Variants in ATP2B2 observed in about 807,000 individuals in gnomAD.
ATP2B2 encodes the protein plasma membrane calcium-transporting ATPase 2.
In ATP2B2, 15 loss-of-function variants were observed where a neutral mutation model predicts 120.0. The observed-to-expected ratio is 0.12, with a 90% CI of 0.08 to 0.19. The LOEUF (loss-of-function observed/expected upper bound fraction) is 0.19. Among genes scored for constraint, ATP2B2 ranks in the 10% least tolerant of loss-of-function variants. The pLI is 1.00. For missense variants in ATP2B2, 1,045 were observed against 1,719.8 expected (o/e 0.61, Z 6.94); for synonymous variants, 694 against 700.3 (o/e 0.99, Z 0.14).
chr3:10,539,178 C>A (rs2067379962), intron 2 of ATP2B2, among the ~76,000 whole-genome samples: 1 of 152,254 alleles, frequency 6.6e-6, no homozygotes, highest in South Asian at 2.1e-4. Flanking sequence ...ATGTGAAGGA[C>A]CTCTTCAAGG....
chr3:10,601,219 C>T (rs150135410), intron 2 of ATP2B2, among the ~76,000 whole-genome samples: 354 of 152,306 alleles, frequency 2.3e-3, no homozygotes, highest in Non-Finnish European at 3.7e-3. Flanking sequence ...TCCCCAGAGG[C>T]CATGATTGGT....
At chr3:10,502,124 G>A (rs1575423910) in intron 1 of ATP2B2, among the ~76,000 whole-genome samples, 2 of 152,326 alleles carry the variant, frequency 1.3e-5, no homozygotes, top group South Asian at 4.1e-4. Flanking sequence ...GCCACAGGCA[G>A]CTTTTCTGAC....
rs41292841 is a variant in ATP2B2, at chr3:10,342,971, G to T, written c.2704-6C>A. On this transcript the variant is annotated splice_polypyrimidine_tract_variant and splice_region_variant and intron_variant, in intron 18 of 22. Transcript: ENST00000360273. The surrounding 1 kb of genome is among the most constrained non-coding windows in gnomAD (Gnocchi z 4.4). The stretch of plus-strand genomic sequence containing the variant: ...ACGGCCTTCAGAGGGGAGTCCTGGG[G>T]ACGGGCAGGAGAGGGCTGTCACCTG... The T allele has an allele frequency of 1.1e-4, 171 of 1,613,512 alleles. No homozygotes were observed. Among genetic ancestry groups the T allele is most frequent in the Non-Finnish European group, 1.4e-4 (161 of 1,179,782 alleles).
At chr3:10,463,636 C>G (rs1264131626) in intron 1 of ATP2B2, among the ~76,000 whole-genome samples, 1 of 152,230 alleles carries the variant, frequency 6.6e-6, no homozygotes, top group Non-Finnish European at 1.5e-5. Context: ...AGCCCCTGCT[C>G]TGGATCACAG....
At chr3:10,676,501 A>G (rs994997487) in intron 1 of ATP2B2, among the ~76,000 whole-genome samples, 3 of 151,602 alleles carry the variant, frequency 2.0e-5, no homozygotes, top group Admixed American at 6.6e-5. Flanking sequence ...AGGGATGGGG[A>G]TGGGGAGGGA....
At position 10,345,399 on chromosome 3, in the gene ATP2B2, G is replaced by T. The variant is rs767707953; in HGVS notation, c.2688C>A (p.Gly896=). 1.9e-6 allele frequency: 3 copies of T among 1,614,192 alleles called. No homozygotes were observed. In the Admixed American group the frequency reaches 5.0e-5, roughly 27 times the overall value. ...NVVAVIVAFT[G]ACITQDSPLK... Reference sequence around the variant, plus strand: ...GCGGACCCACCTGCGTGATGCAGGCGCCTGTGAAGGCCACAATCACGGCCA... The same window carrying T: ...GCGGACCCACCTGCGTGATGCAGGCTCCTGTGAAGGCCACAATCACGGCCA... Residue 896 remains glycine, a synonymous_variant, in exon 18 of 23, where the codon GGC becomes GGA. Transcript: ENST00000360273.
chr3:10,364,726 T>A lies in ATP2B2; in HGVS notation c.1660-4603A>T, dbSNP rs903634229. 6.5e-4 allele frequency among the ~76,000 whole-genome samples: 98 copies of A among 151,644 alleles called. 1 individual carries two copies. Among genetic ancestry groups the A allele is most frequent in the African/African-American group, 2.1e-3 (88 of 41,374 alleles). On this transcript the variant is annotated intron_variant, in intron 12 of 22. Coordinates refer to ENST00000360273, the MANE Select transcript of ATP2B2 (RefSeq NM_001001331.4). The stretch of plus-strand genomic sequence containing the variant: ...ACTCCATCTTGGGGAAAAAAAATAA[T>A]AATAATAAAAATAAAAAAATAAAAA...
rs752236593 is a variant in ATP2B2, at chr3:10,342,708, T to C, written c.2917+44A>G. ...TGAGAGCCATGGTGCACCCAGAAGG[T>C]GATGACCCCGCCTGGGAGAGGCGTG... On this transcript the variant is annotated intron_variant, in intron 19 of 22. Transcript: ENST00000360273. This position sits in a 1 kb window ranked among gnomAD's most constrained non-coding sequence, Gnocchi z 4.4. 6 of 1,601,514 alleles carry C rather than the reference T, an allele frequency of 3.7e-6. No homozygotes were observed. The highest frequency in any genetic ancestry group is 3.3e-5 in the South Asian group (3 of 90,646).
intron 2 of ATP2B2, among the ~76,000 whole-genome samples, chr3:10,598,363 G>A (rs964247012): frequency 4.6e-5 from 7 of 152,188 alleles, no homozygotes; most frequent in African/African-American, 1.7e-4. Flanking sequence ...TTACTCACCT[G>A]TGAAGTGGAG....
At position 10,500,744 on chromosome 3, in the gene ATP2B2, G is replaced by A. The variant is rs148794886; in HGVS notation, c.-320+4721C>T. Among the ~76,000 whole-genome samples, 4 of 152,338 alleles carry A rather than the reference G, an allele frequency of 2.6e-5. No individual in the cohort carries two copies. The East Asian group carries it at 7.7e-4, about 29-fold the overall frequency. ...CTCTAGACTTCTGGCTTCCAGAAGT[G>A]GGAGACAATACACGTCTGTTGTTTG... On this transcript the variant is annotated intron_variant, in intron 1 of 22. Transcript: ENST00000360273.
Position 10,441,564 on chromosome 3 carries a change from C to T in ATP2B2, c.199+7781G>A, listed in dbSNP as rs182869944. On this transcript the variant is annotated intron_variant, in intron 2 of 22. Transcript: ENST00000360273. Reference sequence around the variant, plus strand: ...ATTTCCTGTCTGACATCCTCTGCCCCCTTGAACCAAGAAGGGATATCCTTG... The same window carrying T: ...ATTTCCTGTCTGACATCCTCTGCCCTCTTGAACCAAGAAGGGATATCCTTG... Among the ~76,000 whole-genome samples, 14 of 152,308 alleles carry T rather than the reference C, an allele frequency of 9.2e-5. 1 individual carries two copies. In the East Asian group the frequency reaches 2.7e-3, roughly 29 times the overall value.
At chr3:10,468,346 T>C (rs925291464) in intron 1 of ATP2B2, among the ~76,000 whole-genome samples, 3 of 152,212 alleles carry the variant, frequency 2.0e-5, no homozygotes, top group Admixed American at 2.0e-4. Context: ...GGGAAGCAGA[T>C]GGCAGCCCCT....
chr3:10,533,261 T>C (rs78447192), intron 3 of ATP2B2, among the ~76,000 whole-genome samples: 5 of 152,264 alleles, frequency 3.3e-5, no homozygotes, highest in South Asian at 2.1e-4. Context: ...CTCTGGAAGG[T>C]TGAGTGGTGT....
In ATP2B2 at chr3:10,406,709, A is replaced by G. The variant is rs538337761; in HGVS notation, c.397+3909T>C. 2.6e-5 allele frequency among the ~76,000 whole-genome samples: 4 copies of G among 152,370 alleles called. No individual in the cohort carries two copies. The South Asian group carries it at 8.3e-4, about 32-fold the overall frequency. ...CTGTCGTTAAGCGACACATGACTGT[A>G]TCTACTAACCATCTACAATGGGCCA... On this transcript the variant is annotated intron_variant, in intron 3 of 22. Transcript: ENST00000360273.
rs144353822 is a variant in ATP2B2, at chr3:10,346,750, C to T, written c.2405-613G>A. The stretch of plus-strand genomic sequence containing the variant: ...GAAAAGGGTGGGTGAAGGATGTCAT[C>T]GGTGGGGACCTGTGGAGTTTGTGGG... On this transcript the variant is annotated intron_variant, in intron 16 of 22. Transcript: ENST00000360273. The surrounding 1 kb of genome is among the most constrained non-coding windows in gnomAD (Gnocchi z 4.1). Among the ~76,000 whole-genome samples the T allele has an allele frequency of 5.3e-5, 8 of 152,240 alleles. No individual in the cohort carries two copies. The highest frequency in any genetic ancestry group is 7.4e-5 in the Non-Finnish European group (5 of 67,996).
At chr3:10,350,294 C>T (rs2060542787) in intron 15 of ATP2B2, 95 bp from the exon 16 acceptor site, 6 of 1,586,670 alleles carry the variant, frequency 3.8e-6, no homozygotes, top group South Asian at 3.4e-5. Flanking sequence ...TCACTGGGCT[C>T]TTAGCAGCAC....
chr3:10,589,512 T>A (rs2068592852), intron 2 of ATP2B2, among the ~76,000 whole-genome samples: 1 of 152,190 alleles, frequency 6.6e-6, no homozygotes, highest in South Asian at 2.1e-4. Context: ...GTTAATGCTG[T>A]CCCTGAAGAA....
chr3:10,696,743 C>T (rs1348166695), intron 1 of ATP2B2, among the ~76,000 whole-genome samples: 2 of 152,198 alleles, frequency 1.3e-5, no homozygotes, highest in East Asian at 3.9e-4. Flanking sequence ...AGAAACCAAC[C>T]ATCCCAATCC....
intron 3 of ATP2B2, among the ~76,000 whole-genome samples, chr3:10,528,656 C>A (rs2067148724): frequency 6.6e-6 from 1 of 150,650 alleles, no homozygotes; most frequent in South Asian, 2.1e-4. Flanking sequence ...GAACACACCC[C>A]TGAATATATT....
Sources: allele counts gnomAD v4.1 joint callset (sites outside exome capture counted in the v4.1 genomes callset), GRCh38; gene constraint gnomAD v4.1.1; non-coding constraint Gnocchi (gnomAD v3.1); transcripts MANE v1.5; gene names NCBI Gene and HGNC (gene_info 2026-07-23, HGNC 2026-07-21).